Variants in LTV1 observed in about 807,000 individuals in gnomAD.
The protein encoded by LTV1 is protein LTV1 homolog.
A neutral mutation model predicts 59.9 loss-of-function variants in LTV1; 39 were observed. The ratio of observed to expected loss-of-function variants is 0.65; its 90% CI spans 0.50 to 0.85. LTV1 has a LOEUF of 0.85. LTV1 is among the 40% of genes least tolerant of loss of function. The probability of loss-of-function intolerance (pLI) is 0.00; values close to 1 mark genes in which losing one functional copy is unlikely to be tolerated. For missense variants in LTV1, 493 were observed against 549.1 expected (o/e 0.90, Z 1.02); for synonymous variants, 171 against 189.5 (o/e 0.90, Z 0.80).
chr6:143,856,537 CCT>C (rs1777079723), intron 4 of LTV1, among the ~76,000 whole-genome samples: 1 of 152,138 alleles, frequency 6.6e-6, no homozygotes, highest in South Asian at 2.1e-4. Context: ...GAAATTTCAG[CCT>C]TTTTGTGCTG....
chr6:143,843,411 T>G lies in LTV1; in HGVS notation c.-67T>G. 1 of 1,607,384 alleles carries G rather than the reference T, an allele frequency of 6.2e-7. No homozygotes were observed. On this transcript the variant is annotated 5_prime_UTR_variant, in exon 1 of 11. Coordinates refer to ENST00000367576, the MANE Select transcript of LTV1 (RefSeq NM_032860.5). ...GAAGCGGCCTTCAGCTGGACCTTGG[T>G]CTCCCCGCCGGACTTCGAGGGTGTC... is the stretch of plus-strand genomic sequence containing the variant.
intron 4 of LTV1, among the ~76,000 whole-genome samples, chr6:143,852,223 T>C (rs1346377050): frequency 6.6e-6 from 1 of 152,230 alleles, no homozygotes; most frequent in Non-Finnish European, 1.5e-5. Flanking sequence ...CTCCACATCC[T>C]CTCCAGAATC....
At chr6:143,859,200 T>C (rs1777124552) in intron 6 of LTV1, among the ~76,000 whole-genome samples, 1 of 152,230 alleles carries the variant, frequency 6.6e-6, no homozygotes, top group South Asian at 2.1e-4. Flanking sequence ...TAAGACACTT[T>C]TGAAAGCTTG....
chr6:143,843,543 C>G, intron 1 of LTV1, 63 bp downstream of exon 1: 1 of 1,606,566 alleles, frequency 6.2e-7, no homozygotes. Flanking sequence ...CAGGCTGCTT[C>G]CGGTAATACC....
At position 143,857,980 on chromosome 6, in the gene LTV1, G is replaced by A. The variant is rs1582941449; in HGVS notation, c.768G>A (p.Leu256=). The A allele has an allele frequency of 1.2e-6, 2 of 1,614,060 alleles. No homozygotes were observed. Among genetic ancestry groups the A allele is most frequent in the South Asian group, 2.2e-5 (2 of 91,048 alleles). The part of the protein sequence containing the change: ...TSSVMRRNEQ[L]TLHDERFEKF... ...CAGTCATGAGGAGAAATGAACAGCT[G>A]ACCCTACATGATGAGAGGTTTGAGA... The change falls in exon 6 of 11, where the codon CTG becomes CTA. Residue 256 remains leucine (L), a synonymous_variant. Transcript: ENST00000367576. This position sits in a 1 kb window ranked among gnomAD's most constrained non-coding sequence, Gnocchi z 5.2.
At chr6:143,848,750 AG>A (rs1375737155) in intron 3 of LTV1, among the ~76,000 whole-genome samples, 2 of 152,178 alleles carry the variant, frequency 1.3e-5, no homozygotes, top group African/African-American at 4.8e-5. Flanking sequence ...GTTCACACAA[AG>A]GGAAGTTCTA....
In LTV1 at chr6:143,843,623, A is replaced by C. The variant is rs533844707; in HGVS notation, c.3+143A>C. 7 of 1,030,000 alleles carry C rather than the reference A, an allele frequency of 6.8e-6. No homozygotes were observed. The African/African-American group carries it at 9.6e-5, about 14-fold the overall frequency. 63.8% of individuals were successfully genotyped at this position (1,030,000 alleles called of 1,614,324 possible). A position where few individuals can be genotyped will look rare whatever the true frequency, so the allele number is the denominator to read the frequency against. On this transcript the variant is annotated intron_variant, in intron 1 of 10. Coordinates refer to ENST00000367576, the MANE Select transcript of LTV1 (RefSeq NM_032860.5). Reference sequence around the variant, plus strand: ...CGGCACGGTACCCCGAAATGGGCCAACGTCACCACCGTGGGCATTCTTTGC... The same window carrying C: ...CGGCACGGTACCCCGAAATGGGCCACCGTCACCACCGTGGGCATTCTTTGC...
At chr6:143,848,769 G>A (rs1372238488) in intron 3 of LTV1, among the ~76,000 whole-genome samples, 1 of 152,236 alleles carries the variant, frequency 6.6e-6, no homozygotes, top group Non-Finnish European at 1.5e-5. Flanking sequence ...CTAGGACAGT[G>A]ATCAGAAAGG....
chr6:143,844,637 C>T lies in LTV1; in HGVS notation c.135+20C>T. 1 of 1,601,304 alleles carries T rather than the reference C, an allele frequency of 6.2e-7. No individual in the cohort carries two copies. The highest frequency in any genetic ancestry group is 8.5e-7 in the Non-Finnish European group (1 of 1,176,092). On this transcript the variant is annotated intron_variant, in intron 2 of 10. Transcript: ENST00000367576. ...CAAAAAGTAGGTCCTGTTCTTTAGC[C>T]AGTCAGTTTGTAGGTAGACAATAGT...
intron 6 of LTV1, 39 bp downstream of exon 6, chr6:143,858,046 A>G: frequency 6.3e-7 from 1 of 1,587,594 alleles, no homozygotes; most frequent in Non-Finnish European, 8.6e-7. Flanking sequence ...GTACTATCTT[A>G]TGTTAAATTT....
chr6:143,848,853 C>T (rs1776938661), intron 3 of LTV1, among the ~76,000 whole-genome samples: 1 of 152,210 alleles, frequency 6.6e-6, no homozygotes, highest in African/African-American at 2.4e-5. Flanking sequence ...GGAACATTTT[C>T]AGTCAGGCTG....
At position 143,862,085 on chromosome 6, in the gene LTV1, T is replaced by C. The variant is rs1265055836; in HGVS notation, c.924-19T>C. ...TTTTTCCCCCTCTTGGTCTTCACTT[T>C]TAAAAACTCGTCTAAAAGTTGTGTA... is the stretch of plus-strand genomic sequence containing the variant. On this transcript the variant is annotated intron_variant, in intron 7 of 10. Transcript: ENST00000367576. This position sits in a 1 kb window ranked among gnomAD's most constrained non-coding sequence, Gnocchi z 4.2. 6.2e-7 allele frequency: 1 copy of C among 1,604,548 alleles called. No individual in the cohort carries two copies. The highest frequency in any genetic ancestry group is 2.2e-5 in the East Asian group (1 of 44,764).
At chr6:143,843,508 C>A (rs746759288) in intron 1 of LTV1, 28 bp downstream of exon 1, 1 of 1,613,236 alleles carries the variant, frequency 6.2e-7, no homozygotes, top group African/African-American at 1.3e-5. Flanking sequence ...GTTTCGGCGG[C>A]CGAGCGCTGT....
chr6:143,862,224 G>A lies in LTV1; in HGVS notation c.1044G>A (p.Trp348Ter). The A allele has an allele frequency of 1.9e-6, 3 of 1,612,760 alleles. No homozygotes were observed. The highest frequency in any genetic ancestry group is 1.1e-5 in the South Asian group (1 of 91,034). The change falls in exon 8 of 11, where the codon TGG becomes TGA. Residue 348 changes from tryptophan to a stop codon, truncating the protein, a stop_gained. Coordinates refer to ENST00000367576, the MANE Select transcript of LTV1 (RefSeq NM_032860.5). LOFTEE classifies it high-confidence loss of function. The surrounding 1 kb of genome is among the most constrained non-coding windows in gnomAD (Gnocchi z 4.2). ...TCCTTGAAGAAGCCAAAGAGAAGTG[G>A]GATTGTGAATCTATTTGTAGTAAGT... ...TVVLEEAKEK[W>*]DCESICSTYS...
intron 3 of LTV1, among the ~76,000 whole-genome samples, chr6:143,846,787 G>T (rs1776899217): frequency 1.3e-5 from 2 of 152,140 alleles, no homozygotes; most frequent in Admixed American, 6.5e-5. Flanking sequence ...CCCTGTTTAT[G>T]TTAAGAATGC....
At position 143,857,776 on chromosome 6, in the gene LTV1, C is replaced by T. The variant is rs1420668027; in HGVS notation, c.564C>T (p.Ser188=). The change falls in exon 6 of 11, where the codon AGC becomes AGT. Residue 188 remains serine, a synonymous_variant. Transcript: ENST00000367576. This position sits in a 1 kb window ranked among gnomAD's most constrained non-coding sequence, Gnocchi z 5.2. ...GGAAATCTGAGAATGAAGATGACAG[C>T]GAGTGGGAAGATGTGGATGATGAGA... ...DIQKSENEDD[S]EWEDVDDEKG... is the part of the protein sequence containing the mutation. The T allele has an allele frequency of 6.8e-6, 11 of 1,613,736 alleles. No homozygotes were observed. Among genetic ancestry groups the T allele is most frequent in the East Asian group, 2.2e-5 (1 of 44,878 alleles).
chr6:143,854,714 A>T (rs1168856619), intron 4 of LTV1, among the ~76,000 whole-genome samples: 1 of 152,152 alleles, frequency 6.6e-6, no homozygotes, highest in Non-Finnish European at 1.5e-5. Context: ...CCCCGTAGGC[A>T]TTCAGGAGCA....
At chr6:143,856,364 T>C (rs924510939) in intron 4 of LTV1, among the ~76,000 whole-genome samples, 1 of 152,192 alleles carries the variant, frequency 6.6e-6, no homozygotes, top group African/African-American at 2.4e-5. Context: ...TTAGCTTCCT[T>C]GCGTTGGGTT....
chr6:143,847,734 G>A (rs771185826), intron 3 of LTV1, among the ~76,000 whole-genome samples: 4 of 152,168 alleles, frequency 2.6e-5, no homozygotes, highest in Non-Finnish European at 5.9e-5. Flanking sequence ...AACAGGATAA[G>A]GCTCTTAAAT....
Sources: gnomAD v4.1 joint callset for allele counts (sites outside exome capture counted in the v4.1 genomes callset) on GRCh38, gnomAD v4.1.1 for gene constraint, Gnocchi (gnomAD v3.1) non-coding constraint, MANE v1.5 for transcripts, NCBI Gene and HGNC (gene_info 2026-07-23, HGNC 2026-07-21) for gene names.